Variants in RGL1 observed in about 807,000 individuals in gnomAD.
RGL1 encodes ral guanine nucleotide dissociation stimulator like 1.
A neutral mutation model predicts 95.2 loss-of-function variants in RGL1; 24 were observed. That is an observed-to-expected ratio of 0.25 (90% CI 0.18 to 0.35). The LOEUF (loss-of-function observed/expected upper bound fraction) is 0.35. Ranked by LOEUF, RGL1 falls within the 10% of genes least tolerant of loss-of-function variation. The probability of loss-of-function intolerance (pLI) is 1.00; values close to 1 mark genes in which losing one functional copy is unlikely to be tolerated. For missense variants in RGL1, 715 were observed against 936.3 expected (o/e 0.76, Z 3.08); for synonymous variants, 329 against 344.9 (o/e 0.95, Z 0.51).
chr1:183,710,103 T>A, intron 1 of RGL1: 1 of 191,686 alleles, frequency 5.2e-6, no homozygotes, highest in Non-Finnish European at 1.1e-5. Context: ...CCTCCAGGCC[T>A]ATGTGCCACT....
At chr1:183,687,609 C>T (rs1252944939) in intron 1 of RGL1, among the ~76,000 whole-genome samples, 1 of 152,124 alleles carries the variant, frequency 6.6e-6, no homozygotes, top group African/African-American at 2.4e-5. Flanking sequence ...AGTGCTTTCT[C>T]AGAGAAGCAA....
chr1:183,790,795 G>C (rs1049550449), intron 2 of RGL1, among the ~76,000 whole-genome samples: 15 of 152,160 alleles, frequency 9.9e-5, no homozygotes, highest in African/African-American at 3.6e-4. Flanking sequence ...CTTTCTGTTG[G>C]GTTTATGTTA....
chr1:183,726,064 G>T (rs1656295743), intron 1 of RGL1, among the ~76,000 whole-genome samples: 1 of 152,032 alleles, frequency 6.6e-6, no homozygotes, highest in African/African-American at 2.4e-5. Flanking sequence ...AGTAATTAAT[G>T]GTTTAAAGAT....
At chr1:183,878,290 G>A (rs899229288) in intron 4 of RGL1, among the ~76,000 whole-genome samples, 13 of 151,862 alleles carry the variant, frequency 8.6e-5, no homozygotes, top group African/African-American at 3.1e-4. Context: ...TCTATCTCTT[G>A]GGTACAATCA....
chr1:183,821,704 G>T (rs75257045), intron 2 of RGL1, among the ~76,000 whole-genome samples: 154 of 152,234 alleles, frequency 1.0e-3, no homozygotes, highest in Non-Finnish European at 1.9e-3. Flanking sequence ...CAGAGTGAAG[G>T]GTGAACTAAG....
At chr1:183,795,926 G>C (rs1339763289) in intron 2 of RGL1, among the ~76,000 whole-genome samples, 1 of 151,924 alleles carries the variant, frequency 6.6e-6, no homozygotes, top group Non-Finnish European at 1.5e-5. Context: ...CTCAAAATAC[G>C]GGTCTAATTT....
rs752288611 is a variant in RGL1 at position 183,880,658 on chromosome 1, A to C, written c.468A>C (p.Ala156=). ...TAAGGGCCTGGCTTGACCAGTGTGCAGAAGACTTCCGAGAGCCCCCTCACT... is the reference window on the plus strand; with the variant it reads ...TAAGGGCCTGGCTTGACCAGTGTGCCGAAGACTTCCGAGAGCCCCCTCACT... ...SILRAWLDQC[A]EDFREPPHFP... The change falls in exon 5 of 18, where the codon GCA becomes GCC. Residue 156 remains alanine (A), a synonymous_variant. Transcript: ENST00000360851. 8 of 1,613,950 alleles carry C rather than the reference A, an allele frequency of 5.0e-6. No homozygotes were observed. Among genetic ancestry groups the C allele is most frequent in the South Asian group, 1.1e-5 (1 of 91,074 alleles).
chr1:183,873,304 C>T (rs1354932767), intron 4 of RGL1, among the ~76,000 whole-genome samples: 1 of 152,170 alleles, frequency 6.6e-6, no homozygotes, highest in Non-Finnish European at 1.5e-5. Context: ...ATGACACTGC[C>T]CTTGCCACCA....
At chr1:183,742,447 A>T (rs1180066093) in intron 2 of RGL1, among the ~76,000 whole-genome samples, 5 of 152,226 alleles carry the variant, frequency 3.3e-5, no homozygotes, top group African/African-American at 1.2e-4. Context: ...AGTCAGGAGC[A>T]TGTCCTTTGC....
At chr1:183,718,129 C>T (rs551465024) in intron 1 of RGL1, among the ~76,000 whole-genome samples, 1 of 151,922 alleles carries the variant, frequency 6.6e-6, no homozygotes, top group South Asian at 2.1e-4. Context: ...GTCTGTAGTC[C>T]CAGCTACTTG....
intron 1 of RGL1, among the ~76,000 whole-genome samples, 156 bp downstream of exon 1, chr1:183,805,480 T>C (rs928684802): frequency 4.1e-5 from 6 of 146,976 alleles, no homozygotes; most frequent in Admixed American, 3.3e-4. Flanking sequence ...TATTCCTCTC[T>C]CTCTGCGTGT....
intron 1 of RGL1, among the ~76,000 whole-genome samples, chr1:183,705,520 G>C (rs1654859374): frequency 6.6e-6 from 1 of 152,142 alleles, no homozygotes. Context: ...CAAAAAGGTG[G>C]GGGCTGTCTC....
chr1:183,883,210 G>A (rs563219316), intron 5 of RGL1, among the ~76,000 whole-genome samples: 78 of 152,304 alleles, frequency 5.1e-4, no homozygotes, highest in South Asian at 1.2e-3. Flanking sequence ...GCTGTGATAG[G>A]TTCAGGTGAA....
intron 3 of RGL1, among the ~76,000 whole-genome samples, chr1:183,865,034 G>A (rs1665742915): frequency 6.6e-6 from 1 of 152,222 alleles, no homozygotes; most frequent in African/African-American, 2.4e-5. Flanking sequence ...CTACTCACTT[G>A]TGAAACCCCA....
Position 183,897,849 on chromosome 1 carries a change from A to G in RGL1, c.1182A>G (p.Lys394=), listed in dbSNP as rs764898231. The change falls in exon 10 of 18, where the codon AAA becomes AAG. Residue 394 remains lysine (K), a synonymous_variant. Coordinates refer to ENST00000360851, the MANE Select transcript of RGL1 (RefSeq NM_001297671.3). ...SKFANLDSSV[K]ENQKRTQRRL... is the part of the protein sequence containing the mutation. ...TTGCAAACCTGGACAGCAGTGTGAA[A>G]GAAAACCAGAAGCGTACCCAGAGGC... 5.6e-6 allele frequency: 9 copies of G among 1,613,986 alleles called. No homozygotes were observed. The highest frequency in any genetic ancestry group is 2.7e-5 in the African/African-American group (2 of 74,922).
At chr1:183,775,558 G>A (rs1004144816) in intron 2 of RGL1, among the ~76,000 whole-genome samples, 1 of 152,172 alleles carries the variant, frequency 6.6e-6, no homozygotes, top group Middle Eastern at 3.2e-3. Flanking sequence ...GAAGAGAAAA[G>A]CCCATGGATT....
chr1:183,756,233 C>T (rs1200791091), intron 2 of RGL1, among the ~76,000 whole-genome samples: 1 of 150,884 alleles, frequency 6.6e-6, no homozygotes, highest in Non-Finnish European at 1.5e-5. Flanking sequence ...GCTCTGTCGT[C>T]CAGGCTGGAG....
upstream of RGL1, among the ~76,000 whole-genome samples, chr1:183,801,090 T>C (rs1660960784): frequency 6.6e-6 from 1 of 152,032 alleles, no homozygotes; most frequent in African/African-American, 2.4e-5. Context: ...ACATTCCTAC[T>C]AACAGTGCAC....
intron 2 of RGL1, among the ~76,000 whole-genome samples, chr1:183,760,575 AAAAAAAAAAAAAAAAAAAC>A (rs937275690): frequency 1.4e-4 from 21 of 146,750 alleles, no homozygotes; most frequent in African/African-American, 5.2e-4. Context: ...CTGCAAAAAA[AAAAAAAAAAAAAAAAAAAC>A]AAACCTGGGT....
Sources: allele counts gnomAD v4.1 joint callset (sites outside exome capture counted in the v4.1 genomes callset), GRCh38; gene constraint gnomAD v4.1.1; transcripts MANE v1.5; gene names NCBI Gene and HGNC (gene_info 2026-07-23, HGNC 2026-07-21).